Variants in LINGO2 observed in about 807,000 individuals in gnomAD.
LINGO2 encodes leucine-rich repeat and immunoglobulin-like domain-containing nogo receptor-interacting protein 2.
Under a neutral mutation model 30.6 loss-of-function variants are expected in LINGO2, and 14 were observed. That is an observed-to-expected ratio of 0.46 (90% CI 0.30 to 0.72). LINGO2 has a LOEUF of 0.72. Among genes scored for constraint, LINGO2 ranks in the 30% least tolerant of loss-of-function variants. The pLI is 0.07. For synonymous variants in LINGO2, 317 were observed against 288.5 expected, an observed-to-expected ratio of 1.10 and a Z score of -1.00; for missense variants, 729 against 751.7, an observed-to-expected ratio of 0.97 and a Z score of 0.35.
intron 1 of LINGO2, among the ~76,000 whole-genome samples, chr9:28,596,896 C>T (rs901912259): frequency 5.9e-5 from 9 of 152,068 alleles, no homozygotes; most frequent in African/African-American, 1.9e-4. Context: ...ATCCAGGCAC[C>T]CGGTAAACAA....
the LINGO2 span, among the ~76,000 whole-genome samples, chr9:28,802,452 C>T: frequency 6.6e-6 from 1 of 151,848 alleles, no homozygotes; most frequent in East Asian, 1.9e-4. Flanking sequence ...TATTTTATTG[C>T]CAATAAAGGT....
chr9:28,546,216 A>G (rs934706177), intron 1 of LINGO2, among the ~76,000 whole-genome samples: 11 of 152,072 alleles, frequency 7.2e-5, no homozygotes. Context: ...GTGTAGGGGT[A>G]GACAGACAGG....
chr9:28,622,583 T>G (rs1410348269), intron 1 of LINGO2, among the ~76,000 whole-genome samples: 1 of 152,076 alleles, frequency 6.6e-6, no homozygotes, highest in Non-Finnish European at 1.5e-5. Context: ...ACATTTTCTT[T>G]ATCCATTCAT....
the LINGO2 span, among the ~76,000 whole-genome samples, chr9:28,981,962 T>C: frequency 6.6e-6 from 1 of 152,110 alleles, no homozygotes; most frequent in African/African-American, 2.4e-5. Flanking sequence ...TTGATTCAAC[T>C]GCCGGCATAA....
chr9:28,104,264 T>TTG (rs1491538089), intron 4 of LINGO2, among the ~76,000 whole-genome samples: 1 of 110,026 alleles, frequency 9.1e-6, no homozygotes, highest in East Asian at 2.4e-4. Context: ...AGTTTTTTGT[T>TTG]TGTTTTTTTT....
At chr9:28,134,523 G>C (rs1344446577) in intron 4 of LINGO2, among the ~76,000 whole-genome samples, 1 of 152,210 alleles carries the variant, frequency 6.6e-6, no homozygotes, top group African/African-American at 2.4e-5. Context: ...GAGCCACCTG[G>C]GAGGAAGGGA....
At chr9:28,733,965 A>C in the LINGO2 span, among the ~76,000 whole-genome samples, 18 of 152,276 alleles carry the variant, frequency 1.2e-4, no homozygotes, top group Admixed American at 1.0e-3. Flanking sequence ...TAAGAAATAA[A>C]AATAATAGTC....
At chr9:29,143,738 T>C in the LINGO2 span, among the ~76,000 whole-genome samples, 1 of 152,170 alleles carries the variant, frequency 6.6e-6, no homozygotes, top group African/African-American at 2.4e-5. Flanking sequence ...ACTTTGATGA[T>C]TGTTTACTTT....
the LINGO2 span, among the ~76,000 whole-genome samples, chr9:29,198,567 G>C: frequency 2.0e-5 from 3 of 152,156 alleles, no homozygotes; most frequent in Non-Finnish European, 4.4e-5. Flanking sequence ...CCTAAGACCA[G>C]TGTTGTAGGA....
chr9:28,605,096 G>C (rs1255188631), intron 1 of LINGO2, among the ~76,000 whole-genome samples: 1 of 151,874 alleles, frequency 6.6e-6, no homozygotes, highest in South Asian at 2.1e-4. Context: ...CGTAGTTATT[G>C]AGAAATAGAA....
intron 1 of LINGO2, among the ~76,000 whole-genome samples, chr9:28,602,693 T>C (rs1050657146): frequency 6.6e-6 from 1 of 152,110 alleles, no homozygotes; most frequent in Non-Finnish European, 1.5e-5. Flanking sequence ...AATAAAAGTC[T>C]TCCTTTTCTA....
At chr9:29,134,551 TG>T in the LINGO2 span, among the ~76,000 whole-genome samples, 1 of 152,014 alleles carries the variant, frequency 6.6e-6, no homozygotes, top group African/African-American at 2.4e-5. Flanking sequence ...AAAGGAGAGA[TG>T]GATGAGTGGA....
chr9:28,551,579 A>G (rs1822285447), intron 1 of LINGO2, among the ~76,000 whole-genome samples: 1 of 152,060 alleles, frequency 6.6e-6, no homozygotes, highest in African/African-American at 2.4e-5. Context: ...CAGTGGTTGT[A>G]CACAAAAGCC....
At chr9:28,451,157 C>T (rs1173120760) in intron 2 of LINGO2, among the ~76,000 whole-genome samples, 2 of 151,840 alleles carry the variant, frequency 1.3e-5, no homozygotes, top group Non-Finnish European at 2.9e-5. Context: ...TCTAATTCTT[C>T]AATATTTCCC....
chr9:29,073,341 G>T, the LINGO2 span, among the ~76,000 whole-genome samples: 35,775 of 151,682 alleles, frequency 0.24, 4,311 homozygotes, highest in East Asian at 0.4. Context: ...TACCTATTAT[G>T]TGTTAAGTAA....
At chr9:28,876,300 G>A in the LINGO2 span, among the ~76,000 whole-genome samples, 1 of 151,770 alleles carries the variant, frequency 6.6e-6, no homozygotes, top group African/African-American at 2.4e-5. Context: ...TGCACAATGT[G>A]CAGGTTAGTT....
chr9:28,872,885 A>C, the LINGO2 span, among the ~76,000 whole-genome samples: 1 of 152,134 alleles, frequency 6.6e-6, no homozygotes, highest in East Asian at 1.9e-4. Flanking sequence ...AAAATCGTTG[A>C]GCAATAAAAA....
chr9:28,307,684 T>C (rs1330543202), intron 3 of LINGO2, among the ~76,000 whole-genome samples: 7 of 152,150 alleles, frequency 4.6e-5, no homozygotes, highest in African/African-American at 9.7e-5. Flanking sequence ...GAAAACCCCA[T>C]TGTCTCAGCC....
the LINGO2 span, among the ~76,000 whole-genome samples, chr9:28,995,584 C>T: frequency 5.9e-5 from 9 of 151,844 alleles, no homozygotes; most frequent in East Asian, 1.9e-4. Context: ...TGTTTATTGC[C>T]GCACTATTCA....
Sources: gnomAD v4.1 joint callset for allele counts (sites outside exome capture counted in the v4.1 genomes callset) on GRCh38, gnomAD v4.1.1 for gene constraint, MANE v1.5 for transcripts, NCBI Gene and HGNC (gene_info 2026-07-23, HGNC 2026-07-21) for gene names.